Variants in SMG6 observed in about 807,000 individuals in gnomAD.
SMG6 encodes telomerase-binding protein EST1A.
SMG6 carries 66 observed loss-of-function variants against 142.2 expected under a neutral mutation model. The ratio of observed to expected loss-of-function variants is 0.46; its 90% CI spans 0.38 to 0.57. The LOEUF (loss-of-function observed/expected upper bound fraction) is 0.57. SMG6 is among the 20% of genes least tolerant of loss of function. The probability of loss-of-function intolerance (pLI) is 0.00; values close to 1 mark genes in which losing one functional copy is unlikely to be tolerated. For missense variants in SMG6, 1,793 were observed against 1,832.0 expected (o/e 0.98, Z 0.39); for synonymous variants, 779 against 702.4 (o/e 1.11, Z -1.72).
chr17:2,080,318 T>C (rs2151425107), intron 15 of SMG6, among the ~76,000 whole-genome samples: 1 of 152,054 alleles, frequency 6.6e-6, no homozygotes, highest in South Asian at 2.1e-4. Flanking sequence ...CTCTGGAGGC[T>C]GAGGCAAGAG....
intron 8 of SMG6, among the ~76,000 whole-genome samples, chr17:2,274,450 TAAAA>T (rs896989295): frequency 5.9e-4 from 89 of 152,134 alleles, no homozygotes; most frequent in African/African-American, 2.0e-3. Flanking sequence ...TGCAAATAAA[TAAAA>T]TAGATAATGA....
chr17:2,111,588 G>T (rs2069321640), intron 13 of SMG6, among the ~76,000 whole-genome samples: 1 of 152,060 alleles, frequency 6.6e-6, no homozygotes, highest in Admixed American at 6.6e-5. Context: ...ATTTTTTATA[G>T]AAACGGGGTC....
chr17:2,277,172 A>ATTT (rs764360988), intron 8 of SMG6, among the ~76,000 whole-genome samples: 1 of 50,302 alleles, frequency 2.0e-5, no homozygotes, highest in Non-Finnish European at 4.8e-5. Context: ...TTTATTTTTT[A>ATTT]TTTTTTTTTT....
rs137917814 is a variant in SMG6, at chr17:2,256,712, T to C, written c.2662-11993A>G. On this transcript the variant is annotated intron_variant, in intron 8 of 18. Coordinates refer to ENST00000263073, the MANE Select transcript of SMG6 (RefSeq NM_017575.5). The stretch of plus-strand genomic sequence containing the variant: ...ACTGCTGGAGCCTGGGAGGCAGAGA[T>C]TGCAGTGAGCCGTGATGGTGCCACT... Among the ~76,000 whole-genome samples the C allele has an allele frequency of 1.3e-3, 203 of 152,244 alleles. 1 individual carries two copies. The East Asian group carries it at 0.022, about 16-fold the overall frequency.
chr17:2,143,961 C>T (rs937575399), intron 13 of SMG6, among the ~76,000 whole-genome samples: 9 of 151,392 alleles, frequency 5.9e-5, no homozygotes, highest in African/African-American at 2.2e-4. Context: ...GATCATGGCT[C>T]ACTGAAGGCT....
At chr17:2,242,619 T>A (rs1356468982) in intron 9 of SMG6, among the ~76,000 whole-genome samples, 1 of 138,684 alleles carries the variant, frequency 7.2e-6, no homozygotes, top group African/African-American at 2.9e-5. Context: ...AAGGCTATAG[T>A]GCGGTATGAT....
At chr17:2,186,495 A>G (rs2071989733) in intron 12 of SMG6, among the ~76,000 whole-genome samples, 168 bp downstream of exon 12, 1 of 152,176 alleles carries the variant, frequency 6.6e-6, no homozygotes, top group Non-Finnish European at 1.5e-5. Context: ...AAAATAACCT[A>G]AAACATCAGA....
intron 8 of SMG6, among the ~76,000 whole-genome samples, chr17:2,269,357 C>G (rs2074497416): frequency 6.6e-6 from 1 of 151,216 alleles, no homozygotes; most frequent in Non-Finnish European, 1.5e-5. Context: ...TGCCGCTGCA[C>G]TCCAGCCCAG....
At position 2,079,112 on chromosome 17, in the gene SMG6, C is replaced by T. The variant is rs1020301479; in HGVS notation, c.3681+2698G>A. ...CCGAGTAGCTGGGACTACAGGCACC[C>T]GCCACCACACCCGGCTCACTTTTGT... On this transcript the variant is annotated intron_variant, in intron 15 of 18. Transcript: ENST00000263073. 4.6e-5 allele frequency among the ~76,000 whole-genome samples: 7 copies of T among 151,992 alleles called. No individual in the cohort carries two copies. In the East Asian group the frequency reaches 7.8e-4, roughly 17 times the overall value.
rs568232454 is a variant in SMG6 at position 2,291,059 on chromosome 17, C to T, written c.2337+1493G>A. 1.8e-4 allele frequency among the ~76,000 whole-genome samples: 27 copies of T among 152,064 alleles called. 1 individual carries two copies. The highest frequency in any genetic ancestry group is 3.1e-4 in the Non-Finnish European group (21 of 68,014). ...AAATGTTCTGACACATGGCCAGGTG[C>T]GGTGGCTCACGCCTGTAATCCCAGC... is the stretch of plus-strand genomic sequence containing the variant. On this transcript the variant is annotated intron_variant, in intron 6 of 18. Coordinates refer to ENST00000263073, the MANE Select transcript of SMG6 (RefSeq NM_017575.5).
chr17:2,210,293 T>C (rs1377234438), intron 10 of SMG6, among the ~76,000 whole-genome samples: 1 of 151,614 alleles, frequency 6.6e-6, no homozygotes, highest in African/African-American at 2.4e-5. Flanking sequence ...TTTCTTTTTT[T>C]TTTTTTTTTA....
chr17:2,238,558 T>C (rs2073725310), intron 9 of SMG6, among the ~76,000 whole-genome samples: 1 of 152,208 alleles, frequency 6.6e-6, no homozygotes, highest in African/African-American at 2.4e-5. Context: ...GTTACGAGAA[T>C]AGCAGCGTTC....
intron 13 of SMG6, among the ~76,000 whole-genome samples, chr17:2,086,756 C>T (rs2068573181): frequency 6.6e-6 from 1 of 152,226 alleles, no homozygotes; most frequent in African/African-American, 2.4e-5. Flanking sequence ...CTCTCCTCCA[C>T]ACCCGTTTGC....
chr17:2,298,152 C>T, intron 2 of SMG6, 97 bp from the exon 3 acceptor site: 1 of 1,144,452 alleles, frequency 8.7e-7, no homozygotes, highest in Non-Finnish European at 1.2e-6. Context: ...CCTCCCCTGG[C>T]AGGAAATAAA....
At chr17:2,282,940 G>T (rs1046945192) in intron 7 of SMG6, 81 bp from the exon 8 acceptor site, 55 of 1,401,732 alleles carry the variant, frequency 3.9e-5, no homozygotes, top group South Asian at 2.1e-4. Flanking sequence ...AGATGCGGAG[G>T]CAGGCGGATC....
intron 13 of SMG6, chr17:2,087,267 A>C: frequency 1.6e-6 from 2 of 1,282,308 alleles, no homozygotes; most frequent in Non-Finnish European, 2.0e-6. Context: ...GGTACCACAG[A>C]GAGCAGATGA....
At chr17:2,215,907 A>C (rs1284853979) in intron 10 of SMG6, 2 of 152,314 alleles carry the variant, frequency 1.3e-5, no homozygotes, top group East Asian at 3.8e-4. Flanking sequence ...AGGCTAACCG[A>C]GGCTGGCAGC....
At chr17:2,230,729 T>C (rs767167800) in intron 10 of SMG6, among the ~76,000 whole-genome samples, 6 of 152,142 alleles carry the variant, frequency 3.9e-5, no homozygotes, top group Non-Finnish European at 8.8e-5. Flanking sequence ...AAGAGTTCTA[T>C]CTCCCCCACA....
intron 13 of SMG6, among the ~76,000 whole-genome samples, chr17:2,167,841 G>C (rs1044658928): frequency 1.3e-5 from 2 of 152,204 alleles, no homozygotes; most frequent in African/African-American, 4.8e-5. Flanking sequence ...AACACTAGAA[G>C]CTGGAGGAAA....
Sources: allele counts gnomAD v4.1 joint callset (sites outside exome capture counted in the v4.1 genomes callset), GRCh38; gene constraint gnomAD v4.1.1; transcripts MANE v1.5; gene names NCBI Gene and HGNC (gene_info 2026-07-23, HGNC 2026-07-21).